The following KCNJ13 variants were observed in gnomAD, a reference collection of about 807,000 sequenced individuals.
KCNJ13 encodes inward rectifier potassium channel 13.
In KCNJ13, 9 loss-of-function variants were observed where a neutral mutation model predicts 24.6. That is an observed-to-expected ratio of 0.37 (90% CI 0.22 to 0.64). The LOEUF is 0.64. Among genes scored for constraint, KCNJ13 ranks in the 30% least tolerant of loss-of-function variants. KCNJ13 has a pLI of 0.64. For missense variants in KCNJ13, 337 were observed against 443.8 expected (o/e 0.76, Z 2.16); for synonymous variants, 148 against 154.7 (o/e 0.96, Z 0.32).
At position 232,768,007 on chromosome 2, in the gene KCNJ13, G is replaced by A. The variant is rs1574855678; in HGVS notation, c.*184C>T. ...TTCAGCAGGTAACAAACTTTGTAAT[G>A]TAGAGTGTTATGTTTCCAGAATGTG... On this transcript the variant is annotated 3_prime_UTR_variant, in exon 3 of 3. Transcript: ENST00000233826. 2 of 611,772 alleles carry A rather than the reference G, an allele frequency of 3.3e-6. No homozygotes were observed. Among genetic ancestry groups the A allele is most frequent in the South Asian group, 2.0e-5 (1 of 50,906 alleles). The allele number at this position is 611,772 out of a possible 1,614,324, so 37.9% of individuals were successfully genotyped here.
At chr2:232,775,971 CTA>C in intron 1 of KCNJ13, among the ~76,000 whole-genome samples, 1 of 152,176 alleles carries the variant, frequency 6.6e-6, no homozygotes. Context: ...GCAGAAGTAT[CTA>C]TTAATTTCCG....
intron 1 of KCNJ13, among the ~76,000 whole-genome samples, chr2:232,773,301 A>G (rs185981826): frequency 2.2e-4 from 33 of 152,330 alleles, no homozygotes; most frequent in Non-Finnish European, 4.4e-4. Flanking sequence ...AACTGCTTTC[A>G]TACTGTATTA....
chr2:232,768,412 A>G lies in KCNJ13; in HGVS notation c.862T>C (p.Tyr288His). 6.2e-7 allele frequency: 1 copy of G among 1,614,210 alleles called. No individual in the cohort carries two copies. Among genetic ancestry groups the G allele is most frequent in the Non-Finnish European group, 8.5e-7 (1 of 1,180,022 alleles). ...TGTAACATGATTTCAGACGGTAGGT[A>G]GGATGTCCTCCTTTGGCATATTTCT... The part of the protein sequence containing the change: ...TGEICQRRTS[Y>H]LPSEIMLHHC... The change falls in exon 3 of 3, where the codon TAC becomes CAC. Residue 288 changes from tyrosine (Y) to histidine (H), a missense_variant. By Grantham distance (83) the Tyr-to-His change is moderately conservative. Transcript: ENST00000233826.
chr2:232,769,238 AGTGATATTTTGGCCAGGCATG>A (rs1204975305), intron 2 of KCNJ13, among the ~76,000 whole-genome samples: 4 of 152,238 alleles, frequency 2.6e-5, no homozygotes, highest in South Asian at 4.1e-4. Flanking sequence ...CAATAGAATG[AGTGATATTTTGGCCAGGCATG>A]GTGTCTCACG....
At chr2:232,770,779 T>C (rs1486156661) in intron 2 of KCNJ13, 124 bp downstream of exon 2, 1 of 703,044 alleles carries the variant, frequency 1.4e-6, no homozygotes, top group African/African-American at 1.8e-5. Flanking sequence ...TTACCTGCTA[T>C]CAATATAGAT....
chr2:232,767,442 T>C lies in KCNJ13; in HGVS notation c.*749A>G, dbSNP rs1006455365. On this transcript the variant is annotated 3_prime_UTR_variant, in exon 3 of 3. Coordinates refer to ENST00000233826, the MANE Select transcript of KCNJ13 (RefSeq NM_002242.4). Reference sequence around the variant, plus strand: ...TAGATGAATCACCGTTTGATTATTATGGAGGACAGTTTTAAAATAAAATTT... The same window carrying C: ...TAGATGAATCACCGTTTGATTATTACGGAGGACAGTTTTAAAATAAAATTT... 6.6e-6 allele frequency: 1 copy of C among 152,628 alleles called. No individual in the cohort carries two copies. Among genetic ancestry groups the C allele is most frequent in the African/African-American group, 2.4e-5 (1 of 41,458 alleles). 9.5% of individuals were successfully genotyped at this position (152,628 alleles called of 1,614,324 possible).
chr2:232,770,855 T>C (rs1419917344), intron 2 of KCNJ13, 48 bp downstream of exon 2: 1 of 1,365,628 alleles, frequency 7.3e-7, no homozygotes, highest in South Asian at 1.2e-5. Context: ...TAGTTTTGTT[T>C]TGTTTTGTTT....
Position 232,768,174 on chromosome 2 carries a change from T to A in KCNJ13, c.*17A>T. ...AACTGGCTGGGTGTATTTAATACAT[T>A]AAAAAATGGATAAGTCTTATTCTGT... is the stretch of plus-strand genomic sequence containing the variant. On this transcript the variant is annotated 3_prime_UTR_variant, in exon 3 of 3. Coordinates refer to ENST00000233826, the MANE Select transcript of KCNJ13 (RefSeq NM_002242.4). 1 of 1,613,438 alleles carries A rather than the reference T, an allele frequency of 6.2e-7. No homozygotes were observed. Among genetic ancestry groups the A allele is most frequent in the Non-Finnish European group, 8.5e-7 (1 of 1,179,522 alleles).
intron 1 of KCNJ13, among the ~76,000 whole-genome samples, chr2:232,774,426 C>T (rs1699425492): frequency 6.6e-6 from 1 of 152,096 alleles, no homozygotes; most frequent in African/African-American, 2.4e-5. Context: ...TTAGATAGTC[C>T]AGTTGTGTTT....
rs886043769 is a variant in KCNJ13, at chr2:232,768,716, A to G, written c.558T>C (p.Asn186=). ...AVVAHMDGKP[N]LIFQVANTRP... ...GGGTGTTGGCCACTTGGAAGATAAG[A>G]TTAGGTTTGCCATCCATGTGAGCTA... Residue 186 remains asparagine, a synonymous_variant, in exon 3 of 3, where the codon AAT becomes AAC. Coordinates refer to ENST00000233826, the MANE Select transcript of KCNJ13 (RefSeq NM_002242.4). 1.9e-6 allele frequency: 3 copies of G among 1,602,952 alleles called. No homozygotes were observed. Among genetic ancestry groups the G allele is most frequent in the Non-Finnish European group, 2.6e-6 (3 of 1,171,374 alleles).
chr2:232,773,439 A>T (rs753624005), intron 1 of KCNJ13, among the ~76,000 whole-genome samples: 1 of 152,168 alleles, frequency 6.6e-6, no homozygotes, highest in Admixed American at 6.6e-5. Flanking sequence ...TTGGATGGTT[A>T]TTCAAGTCTA....
intron 2 of KCNJ13, 61 bp from the exon 3 acceptor site, chr2:232,768,874 T>C: frequency 7.1e-7 from 1 of 1,416,086 alleles, no homozygotes. Context: ...ATACTTTTTC[T>C]GAATGACAAG....
Position 232,766,111 on chromosome 2 carries a change from T to C in KCNJ13, c.*2080A>G, listed in dbSNP as rs1028867223. 3.0e-5 allele frequency: 12 copies of C among 397,412 alleles called. No individual in the cohort carries two copies. Among genetic ancestry groups the C allele is most frequent in the Non-Finnish European group, 5.3e-6 (1 of 189,482 alleles). The allele number at this position is 397,412 out of a possible 1,614,324, so 24.6% of individuals were successfully genotyped here. On this transcript the variant is annotated 3_prime_UTR_variant, in exon 3 of 3. Transcript: ENST00000233826. The stretch of plus-strand genomic sequence containing the variant: ...TCTATAGAAAACCTAATCCTTAACC[T>C]AGAAACTGTGATTTGAAATAAGTGA...
rs1225523589 is a variant in KCNJ13 at position 232,771,146 on chromosome 2, C to T, written c.217G>A (p.Val73Met). 6 of 1,614,102 alleles carry T rather than the reference C, an allele frequency of 3.7e-6. No individual in the cohort carries two copies. Among genetic ancestry groups the T allele is most frequent in the Non-Finnish European group, 4.2e-6 (5 of 1,180,004 alleles). ...ATCTCAGCCAGAACATACCAGAGCA[C>T]TGCAAAGACAAGCCAGTGGACAACA... ...SFVVHWLVFA[V>M]LWYVLAEMNG... Residue 73 changes from valine to methionine, a missense_variant, in exon 2 of 3, where the codon GTG becomes ATG. By Grantham distance (21) the Val-to-Met change is conservative. Coordinates refer to ENST00000233826, the MANE Select transcript of KCNJ13 (RefSeq NM_002242.4).
At position 232,767,686 on chromosome 2, in the gene KCNJ13, T is replaced by G. The variant is rs757011063; in HGVS notation, c.*505A>C. 6.2e-6 allele frequency: 1 copy of G among 161,236 alleles called. No individual in the cohort carries two copies. Among genetic ancestry groups the G allele is most frequent in the South Asian group, 1.8e-4 (1 of 5,682 alleles). 10.0% of individuals were successfully genotyped at this position (161,236 alleles called of 1,614,324 possible). A position where few individuals can be genotyped will look rare whatever the true frequency, so the allele number is the denominator to read the frequency against. On this transcript the variant is annotated 3_prime_UTR_variant, in exon 3 of 3. Transcript: ENST00000233826. ...TAAGGAGGTAATACTTACTCAAGTT[T>G]CATAGTATAAAGAACCAAATGAATG... is the stretch of plus-strand genomic sequence containing the variant.
intron 1 of KCNJ13, 133 bp downstream of exon 1, chr2:232,776,312 A>G (rs939190013): frequency 1.7e-5 from 11 of 653,130 alleles, no homozygotes; most frequent in Non-Finnish European, 3.0e-5. Context: ...AAACCTTACT[A>G]TCCTACACTA....
Position 232,768,404 on chromosome 2 carries a change from C to T in KCNJ13, c.870G>A (p.Pro290=), listed in dbSNP as rs539013622. 5.6e-5 allele frequency: 90 copies of T among 1,614,150 alleles called. No individual in the cohort carries two copies. The highest frequency in any genetic ancestry group is 7.1e-5 in the Non-Finnish European group (84 of 1,180,012). Reference sequence around the variant, plus strand: ...AACAGTGATGTAACATGATTTCAGACGGTAGGTAGGATGTCCTCCTTTGGC... The same window carrying T: ...AACAGTGATGTAACATGATTTCAGATGGTAGGTAGGATGTCCTCCTTTGGC... ...EICQRRTSYL[P]SEIMLHHCFA... Residue 290 remains proline (P), a synonymous_variant, in exon 3 of 3, where the codon CCG becomes CCA. Transcript: ENST00000233826.
In KCNJ13 at chr2:232,772,144, T is replaced by A. The variant is rs368863809; in HGVS notation, c.-16-766A>T. On this transcript the variant is annotated intron_variant, in intron 1 of 2. Transcript: ENST00000233826. ...GCCTAGGCTGGTCTCAGACTCCTGT[T>A]CTCAAGCCATCTTCCCACTTCAGCC... is the stretch of plus-strand genomic sequence containing the variant. Among the ~76,000 whole-genome samples, 20 of 152,300 alleles carry A rather than the reference T, an allele frequency of 1.3e-4. No individual in the cohort carries two copies. The East Asian group carries it at 3.3e-3, about 25-fold the overall frequency.
chr2:232,773,700 C>G (rs984760848), intron 1 of KCNJ13, among the ~76,000 whole-genome samples: 1 of 151,870 alleles, frequency 6.6e-6, no homozygotes, highest in African/African-American at 2.4e-5. Flanking sequence ...TATTGTTTAG[C>G]ATGTGCCAGG....
Sources: allele counts gnomAD v4.1 joint callset (sites outside exome capture counted in the v4.1 genomes callset), GRCh38; gene constraint gnomAD v4.1.1; transcripts MANE v1.5; gene names NCBI Gene and HGNC (gene_info 2026-07-23, HGNC 2026-07-21).